CHST12: variants seen among roughly 807,000 people sequenced by gnomAD.
CHST12 encodes carbohydrate (chondroitin 4) sulfotransferase 12.
CHST12 carries 23 observed loss-of-function variants against 27.9 expected under a neutral mutation model. The observed-to-expected ratio is 0.82, with a 90% confidence interval of 0.59 to 1.17. The LOEUF is 1.17. CHST12 is among the 50% of genes most tolerant of loss of function. The pLI, the probability that CHST12 is intolerant of heterozygous loss-of-function variation, is 0.00. For missense variants in CHST12, 682 were observed against 603.0 expected (o/e 1.13, Z -1.37); for synonymous variants, 322 against 273.0 (o/e 1.18, Z -1.77).
chr7:2,442,265 T>C lies in CHST12; in HGVS notation c.*8381T>C, dbSNP rs2115463942. On this transcript the variant is annotated 3_prime_UTR_variant, in exon 2 of 2. Transcript: ENST00000618655. Reference sequence around the variant, plus strand: ...TCCCGTTGTATGGACAGACCACATTTTATCCATTCACCCAGGGATGGACAC... The same window carrying C: ...TCCCGTTGTATGGACAGACCACATTCTATCCATTCACCCAGGGATGGACAC... The C allele has an allele frequency of 6.6e-6, 1 of 152,388 alleles. No homozygotes were observed. Among genetic ancestry groups the C allele is most frequent in the South Asian group, 2.1e-4 (1 of 4,826 alleles). The allele number at this position is 152,388 out of a possible 1,614,324, so 9.4% of individuals were successfully genotyped here.
At chr7:2,429,857 A>G (rs1349412081) in intron 1 of CHST12, among the ~76,000 whole-genome samples, 1 of 151,752 alleles carries the variant, frequency 6.6e-6, no homozygotes, top group Admixed American at 6.6e-5. Flanking sequence ...ATCTCGGCTT[A>G]CTGCAGCCTT....
In CHST12 at chr7:2,433,438, T is replaced by A. The variant is rs1428417973; in HGVS notation, c.799T>A (p.Tyr267Asn). ...SKFELENEEF[Y>N]RKFAVPMLRL... ...GTTCGAGCTGGAGAACGAGGAGTTC[T>A]ACCGCAAGTTCGCCGTGCCCATGCT... The change falls in exon 2 of 2, where the codon TAC becomes AAC. Residue 267 changes from tyrosine to asparagine, a missense_variant. Physicochemically the swap from Tyr to Asn is moderately radical, Grantham distance 143. Transcript: ENST00000618655. The surrounding 1 kb of genome is among the most constrained non-coding windows in gnomAD (Gnocchi z 6.1). The A allele has an allele frequency of 6.2e-7, 1 of 1,609,940 alleles. No individual in the cohort carries two copies. Among genetic ancestry groups the A allele is most frequent in the Admixed American group, 1.7e-5 (1 of 60,018 alleles).
At chr7:2,418,660 G>A (rs1313578302) in intron 1 of CHST12, among the ~76,000 whole-genome samples, 2 of 152,174 alleles carry the variant, frequency 1.3e-5, no homozygotes, top group African/African-American at 2.4e-5. Flanking sequence ...TCAGCCCAGC[G>A]GTTCTATCGG....
At chr7:2,428,518 C>T (rs561410124) in intron 1 of CHST12, among the ~76,000 whole-genome samples, 1 of 152,180 alleles carries the variant, frequency 6.6e-6, no homozygotes, top group Non-Finnish European at 1.5e-5. Flanking sequence ...TGACCGCCTT[C>T]TGGTCCTGCG....
intron 1 of CHST12, among the ~76,000 whole-genome samples, chr7:2,408,603 G>T (rs935635853): frequency 1.3e-5 from 2 of 152,180 alleles, no homozygotes; most frequent in East Asian, 1.9e-4. Context: ...AGACGGGAGG[G>T]CCTTGCTTGA....
intron 1 of CHST12, among the ~76,000 whole-genome samples, chr7:2,419,022 C>T (rs1781888554): frequency 6.6e-6 from 1 of 152,162 alleles, no homozygotes; most frequent in South Asian, 2.1e-4. Flanking sequence ...GGTCTTGAAC[C>T]CCTTGGCTCA....
intron 1 of CHST12, among the ~76,000 whole-genome samples, chr7:2,429,169 T>C (rs932551137): frequency 6.6e-6 from 1 of 152,234 alleles, no homozygotes; most frequent in Non-Finnish European, 1.5e-5. Context: ...GCATTGTCTT[T>C]ACACAATCCT....
intron 1 of CHST12, among the ~76,000 whole-genome samples, chr7:2,412,157 G>A (rs943326032): frequency 3.3e-5 from 5 of 152,204 alleles, no homozygotes; most frequent in Non-Finnish European, 7.3e-5. Flanking sequence ...TCATCAATGT[G>A]ACCGTTAATT....
rs1363664505 is a variant in CHST12 at position 2,437,899 on chromosome 7, C to A, written c.*4015C>A. On this transcript the variant is annotated 3_prime_UTR_variant, in exon 2 of 2. Transcript: ENST00000618655. ...CCTGGATGGCCGCACCTCTCTCTCC[C>A]CGCCCTGTCTCCTGCACTCAGGTGA... is the stretch of plus-strand genomic sequence containing the variant. The A allele has an allele frequency of 6.6e-6, 1 of 152,312 alleles. No homozygotes were observed. The highest frequency in any genetic ancestry group is 2.4e-5 in the African/African-American group (1 of 41,440). 9.4% of individuals were successfully genotyped at this position (152,312 alleles called of 1,614,324 possible).
chr7:2,413,794 T>C (rs1442686295), intron 1 of CHST12, among the ~76,000 whole-genome samples: 1 of 149,156 alleles, frequency 6.7e-6, no homozygotes, highest in Non-Finnish European at 1.5e-5. Context: ...AGTGGCGTGA[T>C]CTTGGCTCAC....
chr7:2,431,600 T>C (rs1219647325), intron 1 of CHST12, among the ~76,000 whole-genome samples: 1 of 152,172 alleles, frequency 6.6e-6, no homozygotes, highest in African/African-American at 2.4e-5. Context: ...AGTACCCTGG[T>C]GGGACAGACA....
intron 1 of CHST12, among the ~76,000 whole-genome samples, chr7:2,419,273 G>A (rs1781898307): frequency 1.3e-5 from 2 of 151,998 alleles, no homozygotes; most frequent in African/African-American, 4.8e-5. Context: ...GCCAGGCGTG[G>A]TGGTGCACAC....
At position 2,434,140 on chromosome 7, in the gene CHST12, G is replaced by GCCCGCC; in HGVS notation, c.*257_*258insCCGCCC. ...CGCCCGCCCGCTCGCCCGCTCGCCC[G>GCCCGCC]CTCCTGTGGTTTTTCTGAGCGTGCG... On this transcript the variant is annotated 3_prime_UTR_variant, in exon 2 of 2. Transcript: ENST00000618655. 1 of 299,468 alleles carries GCCCGCC rather than the reference G, an allele frequency of 3.3e-6. No homozygotes were observed. The highest frequency in any genetic ancestry group is 6.2e-6 in the Non-Finnish European group (1 of 161,562). 18.6% of individuals were successfully genotyped at this position (299,468 alleles called of 1,614,324 possible).
In CHST12 at chr7:2,433,188, C is replaced by G. The variant is rs150939856; in HGVS notation, c.549C>G (p.Ile183Met). The change falls in exon 2 of 2, where the codon ATC becomes ATG. Residue 183 changes from isoleucine to methionine, a missense_variant. By Grantham distance (10) the Ile-to-Met change is conservative. Transcript: ENST00000618655. The surrounding 1 kb of genome is among the most constrained non-coding windows in gnomAD (Gnocchi z 6.1). The part of the protein sequence containing the change: ...VACTNWKRVM[I>M]VLSGSLLHRG... Reference sequence around the variant, plus strand: ...GCACCAACTGGAAGCGCGTGATGATCGTGCTGAGCGGAAGCCTGCTGCACC... The same window carrying G: ...GCACCAACTGGAAGCGCGTGATGATGGTGCTGAGCGGAAGCCTGCTGCACC... The G allele has an allele frequency of 2.0e-5, 32 of 1,612,878 alleles. No homozygotes were observed. In the Admixed American group the frequency reaches 3.3e-4, roughly 17 times the overall value.
chr7:2,406,368 G>C (rs1781523009), intron 1 of CHST12, among the ~76,000 whole-genome samples: 2 of 148,060 alleles, frequency 1.4e-5, no homozygotes, highest in Non-Finnish European at 3.0e-5. Flanking sequence ...TGAGTACGGG[G>C]TGGGGGCACA....
chr7:2,426,811 T>G (rs1350565670), intron 1 of CHST12, among the ~76,000 whole-genome samples: 1 of 151,904 alleles, frequency 6.6e-6, no homozygotes, highest in Non-Finnish European at 1.5e-5. Context: ...GCCAACATGG[T>G]GGAGCTCCAT....
intron 1 of CHST12, among the ~76,000 whole-genome samples, chr7:2,423,740 G>A (rs1397452614): frequency 1.3e-5 from 2 of 152,178 alleles, no homozygotes; most frequent in African/African-American, 4.8e-5. Context: ...ACCACCCTCT[G>A]TACACTGAGC....
intron 1 of CHST12, among the ~76,000 whole-genome samples, chr7:2,429,974 G>T (rs865975935): frequency 1.3e-5 from 2 of 151,988 alleles, no homozygotes; most frequent in Non-Finnish European, 2.9e-5. Flanking sequence ...ATAGGGATGG[G>T]GTTTTGCCAT....
intron 1 of CHST12, among the ~76,000 whole-genome samples, chr7:2,407,960 C>A (rs1052035774): frequency 6.6e-6 from 1 of 151,978 alleles, no homozygotes; most frequent in African/African-American, 2.4e-5. Context: ...AAAGTCTGGG[C>A]AGCAAACTTG....
Sources: gnomAD v4.1 joint callset for allele counts (sites outside exome capture counted in the v4.1 genomes callset) on GRCh38, gnomAD v4.1.1 for gene constraint, Gnocchi (gnomAD v3.1) non-coding constraint, MANE v1.5 for transcripts, NCBI Gene and HGNC (gene_info 2026-07-23, HGNC 2026-07-21) for gene names.